The following CRIM1 variants were observed in gnomAD, a reference collection of about 807,000 sequenced individuals.
CRIM1 encodes the protein cysteine rich transmembrane BMP regulator 1.
A neutral mutation model predicts 116.4 loss-of-function variants in CRIM1; 32 were observed. The observed-to-expected ratio is 0.27, with a 90% CI of 0.21 to 0.37. The LOEUF (loss-of-function observed/expected upper bound fraction) is 0.37, where lower values mean the gene tolerates loss of function less well. Among genes scored for constraint, CRIM1 ranks in the 10% least tolerant of loss-of-function variants. The pLI is 1.00. For missense variants in CRIM1, 1,331 were observed against 1,354.8 expected (o/e 0.98, Z 0.28); for synonymous variants, 590 against 509.2 (o/e 1.16, Z -2.13).
At position 36,550,534 on chromosome 2, in the gene CRIM1, G is replaced by C. The variant is rs1424284813; in HGVS notation, c.*1833G>C. On this transcript the variant is annotated 3_prime_UTR_variant, in exon 17 of 17. Coordinates refer to ENST00000280527, the MANE Select transcript of CRIM1 (RefSeq NM_016441.3). ...TGTAAATACTTGGACAGAGGTTGCTGAACTTTAAAAAAAATTAATTTATTA... is the reference window on the plus strand; with the variant it reads ...TGTAAATACTTGGACAGAGGTTGCTCAACTTTAAAAAAAATTAATTTATTA... 6.6e-6 allele frequency: 1 copy of C among 152,092 alleles called. No individual in the cohort carries two copies. Among genetic ancestry groups the C allele is most frequent in the African/African-American group, 2.4e-5 (1 of 41,314 alleles). 9.4% of individuals were successfully genotyped at this position (152,092 alleles called of 1,614,324 possible). A position where few individuals can be genotyped will look rare whatever the true frequency, so the allele number is the denominator to read the frequency against.
rs528109428 is a variant in CRIM1 at position 36,356,041 on chromosome 2, GGGAGGA to G, written c.-234_-229del. 2.3e-4 allele frequency: 35 copies of G among 152,652 alleles called. No individual in the cohort carries two copies. The highest frequency in any genetic ancestry group is 3.3e-4 in the Non-Finnish European group (23 of 69,240). The allele number at this position is 152,652 out of a possible 1,614,324, so 9.5% of individuals were successfully genotyped here. The stretch of plus-strand genomic sequence containing the variant: ...TTTTTCTTTTTTCCCCCTCCCTCCC[GGGAGGA>G]GGAGGAGGAGGAGGAGGGGAAGCTG... On this transcript the variant is annotated 5_prime_UTR_variant, in exon 1 of 17. Coordinates refer to ENST00000280527, the MANE Select transcript of CRIM1 (RefSeq NM_016441.3). The surrounding 1 kb of genome is among the most constrained non-coding windows in gnomAD (Gnocchi z 4.3).
At chr2:36,394,029 G>C (rs1671824498) in intron 1 of CRIM1, among the ~76,000 whole-genome samples, 1 of 152,184 alleles carries the variant, frequency 6.6e-6, no homozygotes. Flanking sequence ...AATAGTGGCA[G>C]GGAGCCAGGT....
intron 16 of CRIM1, 84 bp downstream of exon 16, chr2:36,547,255 C>T: frequency 8.7e-7 from 1 of 1,146,316 alleles, no homozygotes; most frequent in African/African-American, 1.6e-5. Flanking sequence ...AACCTTGTGT[C>T]TTAACCAGTG....
chr2:36,494,467 G>A (rs986795161), intron 7 of CRIM1, among the ~76,000 whole-genome samples: 1 of 152,166 alleles, frequency 6.6e-6, no homozygotes, highest in Non-Finnish European at 1.5e-5. Flanking sequence ...TTGCACGTTA[G>A]AAGATATTTT....
chr2:36,434,164 G>A (rs764771174), intron 2 of CRIM1, among the ~76,000 whole-genome samples: 17 of 152,168 alleles, frequency 1.1e-4, no homozygotes, highest in Non-Finnish European at 2.2e-4. Flanking sequence ...GATGACATAC[G>A]TATTACATTT....
intron 4 of CRIM1, among the ~76,000 whole-genome samples, chr2:36,450,040 CT>C (rs1011663298): frequency 2.2e-3 from 335 of 149,298 alleles, no homozygotes; most frequent in African/African-American, 7.2e-3. Flanking sequence ...GTTAGTTAAC[CT>C]TTTTTTTTTC....
chr2:36,450,192 G>A (rs1032081729), intron 4 of CRIM1, among the ~76,000 whole-genome samples: 1 of 152,172 alleles, frequency 6.6e-6, no homozygotes, highest in Non-Finnish European at 1.5e-5. Context: ...GCCTGCCTTG[G>A]TAAATGTGCT....
intron 11 of CRIM1, among the ~76,000 whole-genome samples, chr2:36,516,336 G>A (rs578030332): frequency 1.3e-5 from 2 of 152,210 alleles, no homozygotes; most frequent in South Asian, 2.1e-4. Flanking sequence ...ACTCTTTCTC[G>A]GCGGGATTCA....
At chr2:36,488,180 G>A (rs1679973189) in intron 7 of CRIM1, among the ~76,000 whole-genome samples, 1 of 152,150 alleles carries the variant, frequency 6.6e-6, no homozygotes, top group Non-Finnish European at 1.5e-5. Context: ...GAACTTTTCT[G>A]TGTTGTATCT....
intron 1 of CRIM1, among the ~76,000 whole-genome samples, chr2:36,363,856 G>C (rs1212781290): frequency 6.6e-6 from 1 of 152,140 alleles, no homozygotes; most frequent in Admixed American, 6.5e-5. Flanking sequence ...CGCCATGGGG[G>C]CTATGGTTCC....
At chr2:36,453,540 C>T (rs990884416) in intron 4 of CRIM1, among the ~76,000 whole-genome samples, 2 of 152,146 alleles carry the variant, frequency 1.3e-5, no homozygotes, top group African/African-American at 4.8e-5. Flanking sequence ...ATTAGATAGA[C>T]AATTAGTCTG....
At chr2:36,532,547 A>C (rs1572944120) in intron 13 of CRIM1, among the ~76,000 whole-genome samples, 1 of 152,344 alleles carries the variant, frequency 6.6e-6, no homozygotes, top group Non-Finnish European at 1.5e-5. Context: ...CTTTGAAGAC[A>C]AAGATAAATT....
intron 2 of CRIM1, among the ~76,000 whole-genome samples, chr2:36,407,792 C>G (rs770188552): frequency 7.9e-5 from 12 of 151,694 alleles, no homozygotes; most frequent in Non-Finnish European, 1.5e-4. Flanking sequence ...CTCTTTATTC[C>G]TACACATTAG....
At chr2:36,471,215 G>A (rs1213782286) in intron 5 of CRIM1, among the ~76,000 whole-genome samples, 2 of 152,180 alleles carry the variant, frequency 1.3e-5, no homozygotes, top group East Asian at 1.9e-4. Context: ...CAGATAAAAC[G>A]ACAACCAGGG....
chr2:36,545,364 C>T (rs1382469721), intron 15 of CRIM1, among the ~76,000 whole-genome samples: 1 of 152,154 alleles, frequency 6.6e-6, no homozygotes, highest in Non-Finnish European at 1.5e-5. Flanking sequence ...ATTATGCTTA[C>T]ATTCATTCAG....
intron 2 of CRIM1, among the ~76,000 whole-genome samples, chr2:36,400,737 G>C (rs1425002754): frequency 6.6e-6 from 1 of 152,096 alleles, no homozygotes; most frequent in Non-Finnish European, 1.5e-5. Flanking sequence ...AAGAATGAGG[G>C]CAGAAAGAAT....
intron 2 of CRIM1, among the ~76,000 whole-genome samples, chr2:36,420,973 G>A (rs931703185): frequency 2.6e-5 from 4 of 152,118 alleles, no homozygotes; most frequent in Non-Finnish European, 5.9e-5. Context: ...CTGGAGATCT[G>A]GAAACCCCGT....
At chr2:36,424,275 G>A (rs1674288332) in intron 2 of CRIM1, among the ~76,000 whole-genome samples, 1 of 152,222 alleles carries the variant, frequency 6.6e-6, no homozygotes, top group African/African-American at 2.4e-5. Flanking sequence ...AGGCAGAGAT[G>A]AAGAGATATT....
chr2:36,449,031 CTTGT>C (rs1161030705), intron 4 of CRIM1, among the ~76,000 whole-genome samples: 5 of 136,328 alleles, frequency 3.7e-5, no homozygotes, highest in Non-Finnish European at 8.1e-5. Context: ...ATTTTTTTGA[CTTGT>C]TTTTTTTTTT....
Sources: gnomAD v4.1 joint callset for allele counts (sites outside exome capture counted in the v4.1 genomes callset) on GRCh38, gnomAD v4.1.1 for gene constraint, Gnocchi (gnomAD v3.1) non-coding constraint, MANE v1.5 for transcripts, NCBI Gene and HGNC (gene_info 2026-07-23, HGNC 2026-07-21) for gene names.